Variants in SEPTIN2 observed in about 807,000 individuals in gnomAD.
SEPTIN2 encodes septin 2.
A neutral mutation model predicts 46.5 loss-of-function variants in SEPTIN2; 34 were observed. The observed-to-expected ratio is 0.73, with a 90% CI of 0.56 to 0.97. SEPTIN2 has a LOEUF of 0.97. SEPTIN2 is among the 50% of genes least tolerant of loss of function. The probability of loss-of-function intolerance (pLI) is 0.00; values close to 1 mark genes in which losing one functional copy is unlikely to be tolerated. For missense variants in SEPTIN2, 347 were observed against 448.4 expected (o/e 0.77, Z 2.04); for synonymous variants, 175 against 153.4 (o/e 1.14, Z -1.04).
At chr2:241,326,583 A>G (rs554189692) in intron 3 of SEPTIN2, among the ~76,000 whole-genome samples, 11 of 83,834 alleles carry the variant, frequency 1.3e-4, no homozygotes, top group African/African-American at 4.9e-4. Flanking sequence ...TTACCTGTGT[A>G]GCCAGTAGGA....
intron 1 of SEPTIN2, chr2:241,316,502 C>T: frequency 6.6e-7 from 1 of 1,511,884 alleles, no homozygotes; most frequent in South Asian, 1.2e-5. Context: ...GCGACTAGGC[C>T]CTGTCTGCGG....
intron 3 of SEPTIN2, among the ~76,000 whole-genome samples, chr2:241,327,704 C>G (rs1005540028): frequency 2.0e-5 from 3 of 151,832 alleles, no homozygotes; most frequent in African/African-American, 7.3e-5. Flanking sequence ...GAAAAGCACA[C>G]CAAAGCCTGT....
intron 3 of SEPTIN2, among the ~76,000 whole-genome samples, chr2:241,327,050 CAAAAAAAAA>C (rs59492636): frequency 0.016 from 1,090 of 66,062 alleles, 7 homozygotes; most frequent in Middle Eastern, 0.032. Context: ...AACCTTGTCT[CAAAAAAAAA>C]AAAAAAAAAA....
intron 3 of SEPTIN2, among the ~76,000 whole-genome samples, chr2:241,333,026 T>A (rs894678904): frequency 5.9e-5 from 9 of 152,228 alleles, no homozygotes; most frequent in Non-Finnish European, 1.2e-4. Context: ...ATCTTTATCT[T>A]GAGTGGAGTT....
chr2:241,321,897 ACTGT>A (rs2149845319), intron 1 of SEPTIN2, among the ~76,000 whole-genome samples: 1 of 152,122 alleles, frequency 6.6e-6, no homozygotes, highest in African/African-American at 2.4e-5. Context: ...TTCTGCCAAA[ACTGT>A]CTGTATTACA....
chr2:241,316,732 C>A, intron 1 of SEPTIN2: 1 of 454,806 alleles, frequency 2.2e-6, no homozygotes. Flanking sequence ...CTTGTCAGTG[C>A]CACCAGACCT....
At chr2:241,329,989 T>C (rs759212534) in intron 3 of SEPTIN2, among the ~76,000 whole-genome samples, 1 of 152,212 alleles carries the variant, frequency 6.6e-6, no homozygotes, top group African/African-American at 2.4e-5. Flanking sequence ...CCAGCAGATA[T>C]TTAAGAATGT....
At chr2:241,330,962 G>A (rs1575221664) in intron 3 of SEPTIN2, among the ~76,000 whole-genome samples, 1 of 152,192 alleles carries the variant, frequency 6.6e-6, no homozygotes, top group Non-Finnish European at 1.5e-5. Flanking sequence ...CTGAGGTCAG[G>A]AGTTTAAGAC....
intron 1 of SEPTIN2, among the ~76,000 whole-genome samples, chr2:241,320,843 C>T (rs1234075353): frequency 1.3e-5 from 2 of 151,986 alleles, no homozygotes; most frequent in East Asian, 3.9e-4. Flanking sequence ...TTTTTCCCCC[C>T]CTCATAATTC....
chr2:241,326,710 A>G (rs1228296267), intron 3 of SEPTIN2, among the ~76,000 whole-genome samples: 1 of 152,198 alleles, frequency 6.6e-6, no homozygotes, highest in Non-Finnish European at 1.5e-5. Flanking sequence ...TGTCATGTCA[A>G]GAGAACACTC....
At position 241,316,164 on chromosome 2, in the gene SEPTIN2, C is replaced by T. The variant is rs548435218; in HGVS notation, c.-18+182C>T. ...CTTCGGCACTTATCGTGGGCTCCCC[C>T]GTCCCGGGCGGTCCTAGTGCCGGCG... On this transcript the variant is annotated intron_variant, in intron 1 of 12. Transcript: ENST00000391971. 5.0e-5 allele frequency: 12 copies of T among 241,446 alleles called. No homozygotes were observed. The Admixed American group carries it at 6.3e-4, about 13-fold the overall frequency. The allele number at this position is 241,446 out of a possible 1,614,324, so 15.0% of individuals were successfully genotyped here. A position where few individuals can be genotyped will look rare whatever the true frequency, so the allele number is the denominator to read the frequency against.
chr2:241,316,487 G>C, intron 1 of SEPTIN2: 2 of 1,508,582 alleles, frequency 1.3e-6, no homozygotes, highest in Non-Finnish European at 1.8e-6. Flanking sequence ...ATAAGCGAGG[G>C]GAGAGCGACT....
rs1559670428 is a variant in SEPTIN2, at chr2:241,348,071, T to TG, written c.927-63_927-62insG. 215 of 1,291,476 alleles carry TG rather than the reference T, an allele frequency of 1.7e-4. 1 individual carries two copies. The highest frequency in any genetic ancestry group is 7.6e-4 in the East Asian group (32 of 42,194). The allele number at this position is 1,291,476 out of a possible 1,614,324, so 80.0% of individuals were successfully genotyped here. ...ATTTTAAATTTTAAAGTAGAATTTTTTGGGGGGGTAGCAAATAACTATTTG... is the reference window on the plus strand; with the variant it reads ...ATTTTAAATTTTAAAGTAGAATTTTTGTGGGGGGGTAGCAAATAACTATTTG... On this transcript the variant is annotated intron_variant, in intron 10 of 12. Transcript: ENST00000391971.
At chr2:241,338,646 T>C (rs954382815) in intron 7 of SEPTIN2, among the ~76,000 whole-genome samples, 1 of 130,100 alleles carries the variant, frequency 7.7e-6, no homozygotes, top group African/African-American at 2.9e-5. Context: ...ATATAATATA[T>C]ATTACATATA....
At chr2:241,318,711 T>C (rs2076729093) in intron 1 of SEPTIN2, among the ~76,000 whole-genome samples, 1 of 151,420 alleles carries the variant, frequency 6.6e-6, no homozygotes, top group Non-Finnish European at 1.5e-5. Flanking sequence ...TCTTTTTTTT[T>C]TTTTTTTTGA....
chr2:241,330,828 A>G (rs934723474), intron 3 of SEPTIN2, among the ~76,000 whole-genome samples: 1 of 152,214 alleles, frequency 6.6e-6, no homozygotes, highest in African/African-American at 2.4e-5. Flanking sequence ...AAGGAGGAAG[A>G]TGATGTTAGC....
intron 12 of SEPTIN2, 63 bp downstream of exon 12, chr2:241,350,266 A>G: frequency 1.1e-6 from 1 of 932,906 alleles, no homozygotes; most frequent in South Asian, 1.8e-5. Flanking sequence ...CAGCTTAAAT[A>G]TGACAGGTTC....
At chr2:241,330,847 G>A (rs753181273) in intron 3 of SEPTIN2, among the ~76,000 whole-genome samples, 19 of 152,118 alleles carry the variant, frequency 1.2e-4, no homozygotes, top group South Asian at 4.2e-4. Flanking sequence ...GCTGAAAAAC[G>A]AATTTGTAAA....
At chr2:241,329,581 C>G (rs576649229) in intron 3 of SEPTIN2, among the ~76,000 whole-genome samples, 22 of 152,298 alleles carry the variant, frequency 1.4e-4, no homozygotes, top group African/African-American at 4.6e-4. Context: ...AATTCAGTTT[C>G]CTCAGCAAGG....
Sources: allele counts gnomAD v4.1 joint callset (sites outside exome capture counted in the v4.1 genomes callset), GRCh38; gene constraint gnomAD v4.1.1; transcripts MANE v1.5; gene names NCBI Gene and HGNC (gene_info 2026-07-23, HGNC 2026-07-21).